The following SH3BGR variants were observed in gnomAD, a reference collection of about 807,000 sequenced individuals.
SH3BGR encodes SH3 domain binding glutamate rich protein.
A neutral mutation model predicts 24.5 loss-of-function variants in SH3BGR; 29 were observed. The ratio of observed to expected loss-of-function variants is 1.18; its 90% CI spans 0.88 to 1.61. The LOEUF is 1.61. SH3BGR is among the 40% of genes most tolerant of loss of function. SH3BGR has a pLI of 0.00. For synonymous variants in SH3BGR, 55 were observed against 65.7 expected (o/e 0.84, Z 0.79); for missense variants, 162 against 205.8 (o/e 0.79, Z 1.30).
intron 5 of SH3BGR, among the ~76,000 whole-genome samples, chr21:39,510,451 CACACTGTAGCTACACACACACACACACA>C (rs2078666105): frequency 9.7e-6 from 1 of 103,376 alleles, no homozygotes; most frequent in East Asian, 3.0e-4. Context: ...CACACACACA[CACACTGTAGCTACACACACACACACACA>C]CCCCATCAAT....
At chr21:39,512,662 C>T (rs545303692) in intron 6 of SH3BGR, among the ~76,000 whole-genome samples, 2 of 152,228 alleles carry the variant, frequency 1.3e-5, no homozygotes, top group South Asian at 2.1e-4. Flanking sequence ...TGGGGTGGCT[C>T]ATGCCTGCGG....
chr21:39,472,513 G>C (rs1369993558), intron 2 of SH3BGR, among the ~76,000 whole-genome samples: 1 of 152,084 alleles, frequency 6.6e-6, no homozygotes, highest in Non-Finnish European at 1.5e-5. Flanking sequence ...TTGAGGCCTG[G>C]GGTTTATTTC....
chr21:39,467,258 A>AT (rs146006346), intron 2 of SH3BGR, among the ~76,000 whole-genome samples: 30,259 of 151,486 alleles, frequency 0.2, 3,262 homozygotes, highest in Middle Eastern at 0.28. Flanking sequence ...TGATCTAGTA[A>AT]TTTTTTTTTC....
intron 3 of SH3BGR, among the ~76,000 whole-genome samples, chr21:39,476,039 G>T (rs906644153): frequency 1.3e-5 from 2 of 152,220 alleles, no homozygotes. Context: ...AGCTGCGAAC[G>T]CATGTAGATG....
At chr21:39,502,085 A>G (rs1018194653) in intron 4 of SH3BGR, among the ~76,000 whole-genome samples, 6 of 152,214 alleles carry the variant, frequency 3.9e-5, no homozygotes, top group African/African-American at 1.4e-4. Context: ...AGGTGGGAGG[A>G]TCGCTTGAAC....
chr21:39,458,839 G>C (rs183620919), intron 1 of SH3BGR, among the ~76,000 whole-genome samples: 1 of 151,738 alleles, frequency 6.6e-6, no homozygotes, highest in Non-Finnish European at 1.5e-5. Flanking sequence ...TAGAGACGAG[G>C]TTTTACCATG....
intron 3 of SH3BGR, among the ~76,000 whole-genome samples, chr21:39,482,931 A>G (rs530542551): frequency 6.6e-6 from 1 of 152,152 alleles, no homozygotes; most frequent in Non-Finnish European, 1.5e-5. Context: ...TGGCCTCCCA[A>G]AGTGCTGGAT....
chr21:39,501,900 G>A (rs73354302), intron 4 of SH3BGR, among the ~76,000 whole-genome samples: 3,628 of 152,300 alleles, frequency 0.024, 150 homozygotes, highest in African/African-American at 0.083. Flanking sequence ...GGGGCCGGGC[G>A]CATGGCTCAC....
intron 2 of SH3BGR, among the ~76,000 whole-genome samples, chr21:39,465,143 C>A (rs1602087506): frequency 6.6e-6 from 1 of 152,128 alleles, no homozygotes; most frequent in East Asian, 1.9e-4. Flanking sequence ...TGGCCTCAGG[C>A]AAACTCCTGG....
At chr21:39,476,802 AGG>A (rs2078035207) in intron 3 of SH3BGR, among the ~76,000 whole-genome samples, 2 of 152,166 alleles carry the variant, frequency 1.3e-5, no homozygotes, top group Admixed American at 1.3e-4. Flanking sequence ...AAGGCCCACT[AGG>A]GGGTTATCTA....
chr21:39,470,875 G>C (rs1277438689), intron 2 of SH3BGR, among the ~76,000 whole-genome samples: 1 of 151,714 alleles, frequency 6.6e-6, no homozygotes, highest in Non-Finnish European at 1.5e-5. Flanking sequence ...TTTAAAAAAA[G>C]GTATTTTCCA....
chr21:39,460,965 T>A (rs2077745160), intron 1 of SH3BGR, among the ~76,000 whole-genome samples: 1 of 152,078 alleles, frequency 6.6e-6, no homozygotes, highest in South Asian at 2.1e-4. Flanking sequence ...TTTTTTCTCT[T>A]CTTTCCCTTT....
intron 3 of SH3BGR, among the ~76,000 whole-genome samples, chr21:39,494,581 G>T (rs1312103472): frequency 2.0e-5 from 3 of 151,768 alleles, no homozygotes; most frequent in Admixed American, 6.6e-5. Flanking sequence ...GATGAGACAT[G>T]ATCTTGTTTC....
At chr21:39,455,284 C>G (rs2077636577) in intron 1 of SH3BGR, among the ~76,000 whole-genome samples, 1 of 152,226 alleles carries the variant, frequency 6.6e-6, no homozygotes, top group South Asian at 2.1e-4. Context: ...TGAGTCTTCA[C>G]TGAGGTCCCA....
intron 3 of SH3BGR, among the ~76,000 whole-genome samples, chr21:39,490,743 T>G: frequency 3.3e-5 from 1 of 30,530 alleles, no homozygotes; most frequent in Non-Finnish European, 8.0e-5. Flanking sequence ...TTGTGCATTT[T>G]TTTTTTTTTT....
intron 4 of SH3BGR, among the ~76,000 whole-genome samples, chr21:39,502,538 A>G (rs528163536): frequency 2.0e-5 from 3 of 152,318 alleles, no homozygotes; most frequent in African/African-American, 7.2e-5. Context: ...TTGGTTCCTA[A>G]GACTCCTGGG....
chr21:39,463,351 T>C (rs1249952972), intron 2 of SH3BGR, among the ~76,000 whole-genome samples: 4 of 152,344 alleles, frequency 2.6e-5, no homozygotes, highest in Non-Finnish European at 4.4e-5. Flanking sequence ...TCACTTTTTT[T>C]CCCCAGAGTT....
upstream of SH3BGR, chr21:39,451,829 G>A: frequency 6.7e-7 from 1 of 1,496,838 alleles, no homozygotes; most frequent in South Asian, 1.2e-5. Flanking sequence ...AGGGTCCAGT[G>A]GCTGCTTTTA....
At chr21:39,481,448 G>C (rs867313109) in intron 3 of SH3BGR, among the ~76,000 whole-genome samples, 1 of 152,170 alleles carries the variant, frequency 6.6e-6, no homozygotes, top group African/African-American at 2.4e-5. Flanking sequence ...AGTGAATAAT[G>C]AGGCTGACAA....
Sources: allele counts gnomAD v4.1 joint callset (sites outside exome capture counted in the v4.1 genomes callset), GRCh38; gene constraint gnomAD v4.1.1; transcripts MANE v1.5; gene names NCBI Gene and HGNC (gene_info 2026-07-23, HGNC 2026-07-21).